The following PRICKLE2 variants were observed in gnomAD, a reference collection of about 807,000 sequenced individuals.
The protein encoded by PRICKLE2 is prickle planar cell polarity protein 2, also known as prickle-like protein 2.
Under a neutral mutation model 81.4 loss-of-function variants are expected in PRICKLE2, and 21 were observed. The ratio of observed to expected loss-of-function variants is 0.26; its 90% CI spans 0.18 to 0.37. PRICKLE2 has a LOEUF of 0.37. PRICKLE2 is among the 10% of genes least tolerant of loss of function. The pLI is 1.00. For missense variants in PRICKLE2, 940 were observed against 1,109.0 expected (o/e 0.85, Z 2.16); for synonymous variants, 456 against 421.5 (o/e 1.08, Z -1.00).
At position 64,111,539 on chromosome 3, in the gene PRICKLE2, C is replaced by G. The variant is rs554149891; in HGVS notation, c.1661-11614G>C. 2.2e-3 allele frequency among the ~76,000 whole-genome samples: 338 copies of G among 152,320 alleles called. 3 individuals are homozygous for G. The highest frequency in any genetic ancestry group is 9.3e-3 in the South Asian group (45 of 4,826). Reference sequence around the variant, plus strand: ...GAAGTACAGATCCAGTGACACTCCCCAGCTTCTAACCAGCAGCTGCAATGA... The same window carrying G: ...GAAGTACAGATCCAGTGACACTCCCGAGCTTCTAACCAGCAGCTGCAATGA... On this transcript the variant is annotated intron_variant, in intron 7 of 7. Transcript: ENST00000638394.
At chr3:64,206,008 T>C (rs1446815599) in intron 1 of PRICKLE2, among the ~76,000 whole-genome samples, 2 of 152,166 alleles carry the variant, frequency 1.3e-5, no homozygotes, top group Non-Finnish European at 2.9e-5. Flanking sequence ...GCTTGGTAAT[T>C]TGCTAGATGG....
intron 7 of PRICKLE2, chr3:64,146,519 G>C: frequency 3.1e-6 from 1 of 325,106 alleles, no homozygotes; most frequent in Non-Finnish European, 6.0e-6. Context: ...CGAGGCAGGT[G>C]GATCACGAGG....
intron 1 of PRICKLE2, among the ~76,000 whole-genome samples, chr3:64,210,452 G>A (rs1206433679): frequency 6.6e-6 from 1 of 152,090 alleles, no homozygotes; most frequent in Non-Finnish European, 1.5e-5. Context: ...GACTGTGACG[G>A]GGCCAGCTGG....
chr3:64,235,752 C>T (rs2079171625), intron 2 of PRICKLE2, among the ~76,000 whole-genome samples: 1 of 152,170 alleles, frequency 6.6e-6, no homozygotes, highest in Admixed American at 6.5e-5. Context: ...AATTGTTCCA[C>T]AGTCTGATCT....
intron 2 of PRICKLE2, among the ~76,000 whole-genome samples, chr3:64,180,278 G>C (rs1233465778): frequency 6.6e-6 from 1 of 152,196 alleles, no homozygotes; most frequent in Non-Finnish European, 1.5e-5. Flanking sequence ...ATTCCTGAGA[G>C]TTATCTATGT....
intron 2 of PRICKLE2, 162 bp downstream of exon 2, chr3:64,198,622 T>A: frequency 1.4e-6 from 1 of 722,032 alleles, no homozygotes; most frequent in Non-Finnish European, 2.5e-6. Context: ...TCATTTCCCT[T>A]CCTCATTTTC....
chr3:64,204,066 C>T (rs969410872), intron 1 of PRICKLE2, among the ~76,000 whole-genome samples: 19 of 152,140 alleles, frequency 1.2e-4, no homozygotes, highest in Admixed American at 4.6e-4. Context: ...GCACTTACCA[C>T]GTACCAAGGC....
At chr3:64,204,602 G>A (rs759408935) in intron 1 of PRICKLE2, among the ~76,000 whole-genome samples, 6 of 151,136 alleles carry the variant, frequency 4.0e-5, no homozygotes, top group East Asian at 1.9e-4. Flanking sequence ...TCACACACAC[G>A]CAAAAGCAAA....
At chr3:64,119,455 A>C (rs1421096553) in intron 7 of PRICKLE2, among the ~76,000 whole-genome samples, 5 of 152,340 alleles carry the variant, frequency 3.3e-5, no homozygotes, top group East Asian at 1.9e-4. Flanking sequence ...CATAGGAAAA[A>C]ATTCTCAACG....
intron 7 of PRICKLE2, among the ~76,000 whole-genome samples, chr3:64,138,603 T>G (rs1456940297): frequency 6.6e-6 from 1 of 152,198 alleles, no homozygotes; most frequent in Non-Finnish European, 1.5e-5. Context: ...ATCTGTGAAG[T>G]ATGAAGTTAC....
chr3:64,099,227 C>G lies in PRICKLE2; in HGVS notation c.2359G>C (p.Glu787Gln). The change falls in exon 8 of 8, where the codon GAG (glutamate) becomes CAG (glutamine). Residue 787 changes from glutamate (E) to glutamine (Q), a missense_variant. Physicochemically the swap from Glu to Gln is conservative, Grantham distance 29. Coordinates refer to ENST00000638394, the MANE Select transcript of PRICKLE2 (RefSeq NM_198859.4). The surrounding 1 kb of genome is among the most constrained non-coding windows in gnomAD (Gnocchi z 4.3). ...ATGGGTTCTCCTAGGAAATAGCCCT[C>G]GTTGTCAGACTCTGAAGAGGAGGAG... ...TCSSSSESDNEGYFLGEPIPQ... is the reference protein window; with the variant it reads ...TCSSSSESDNQGYFLGEPIPQ... 1.2e-6 allele frequency: 2 copies of G among 1,614,148 alleles called. No homozygotes were observed. The highest frequency in any genetic ancestry group is 1.7e-6 in the Non-Finnish European group (2 of 1,180,034).
chr3:64,125,550 G>A (rs1291219331), intron 7 of PRICKLE2, among the ~76,000 whole-genome samples: 2 of 152,186 alleles, frequency 1.3e-5, no homozygotes, highest in Non-Finnish European at 2.9e-5. Flanking sequence ...TGATCAGTCA[G>A]CAGCCAACAA....
intron 7 of PRICKLE2, among the ~76,000 whole-genome samples, chr3:64,131,486 T>C (rs1451192222): frequency 2.6e-5 from 4 of 152,230 alleles, no homozygotes; most frequent in African/African-American, 9.6e-5. Context: ...AATAAGGGGA[T>C]TTGTGAATCA....
At chr3:64,165,322 G>C (rs2077812020) in intron 2 of PRICKLE2, among the ~76,000 whole-genome samples, 2 of 152,154 alleles carry the variant, frequency 1.3e-5, no homozygotes, top group South Asian at 2.1e-4. Context: ...CAGTAGATCT[G>C]GACCCCGAGT....
upstream of PRICKLE2, among the ~76,000 whole-genome samples, chr3:64,225,961 A>G (rs1213153460): frequency 6.7e-6 from 1 of 149,624 alleles, no homozygotes; most frequent in Non-Finnish European, 1.5e-5. Flanking sequence ...AGACTATGTC[A>G]CCTTTGAGTT....
At chr3:64,235,793 G>T (rs951231414) in intron 2 of PRICKLE2, among the ~76,000 whole-genome samples, 4 of 152,164 alleles carry the variant, frequency 2.6e-5, no homozygotes, top group Admixed American at 6.5e-5. Context: ...GCAAGGGTAG[G>T]GTGTTGCCAG....
At chr3:64,199,322 T>C in intron 1 of PRICKLE2, 1 of 380,276 alleles carries the variant, frequency 2.6e-6, no homozygotes, top group South Asian at 3.7e-5. Context: ...TTTCCTTGAC[T>C]GCAATAGCAA....
At chr3:64,239,220 T>C (rs2107169240) in intron 2 of PRICKLE2, among the ~76,000 whole-genome samples, 1 of 152,174 alleles carries the variant, frequency 6.6e-6, no homozygotes, top group Admixed American at 6.5e-5. Flanking sequence ...TTCCCTTAAA[T>C]GGAGCACACA....
intron 2 of PRICKLE2, among the ~76,000 whole-genome samples, chr3:64,240,813 T>A (rs570305920): frequency 6.6e-6 from 1 of 152,286 alleles, no homozygotes; most frequent in Admixed American, 6.5e-5. Context: ...CCACAAGCTC[T>A]CCAGGGGATT....
Sources: gnomAD v4.1 joint callset for allele counts (sites outside exome capture counted in the v4.1 genomes callset) on GRCh38, gnomAD v4.1.1 for gene constraint, Gnocchi (gnomAD v3.1) non-coding constraint, MANE v1.5 for transcripts, NCBI Gene and HGNC (gene_info 2026-07-23, HGNC 2026-07-21) for gene names.